Variants in MCF2L2 observed in about 807,000 individuals in gnomAD.
MCF2L2 encodes probable guanine nucleotide exchange factor MCF2L2.
In MCF2L2, 102 loss-of-function variants were observed where a neutral mutation model predicts 150.2. The observed-to-expected ratio is 0.68, with a 90% CI of 0.58 to 0.80. MCF2L2 has a LOEUF of 0.80. MCF2L2 is among the 30% of genes least tolerant of loss of function. The pLI is 0.00. For missense variants in MCF2L2, 1,256 were observed against 1,372.8 expected, an observed-to-expected ratio of 0.91 and a Z score of 1.34; for synonymous variants, 465 against 491.3, an observed-to-expected ratio of 0.95 and a Z score of 0.71.
At chr3:183,284,889 T>A (rs1727703411) in intron 14 of MCF2L2, among the ~76,000 whole-genome samples, 1 of 152,152 alleles carries the variant, frequency 6.6e-6, no homozygotes, top group South Asian at 2.1e-4. Context: ...CAGGATTTGG[T>A]GGCGTCCCTG....
chr3:183,253,943 G>A (rs904726246), intron 15 of MCF2L2: 1 of 152,174 alleles, frequency 6.6e-6, no homozygotes, highest in Admixed American at 6.5e-5. Flanking sequence ...GAAAGTTCTG[G>A]CCGCTCGGCG....
At chr3:183,272,329 G>C (rs1726849111) in intron 15 of MCF2L2, 1 of 1,000,132 alleles carries the variant, frequency 1.0e-6, no homozygotes, top group African/African-American at 1.7e-5. Flanking sequence ...AATGACTTCA[G>C]CAAGAGTGAC....
intron 18 of MCF2L2, chr3:183,226,682 C>T (rs567203862): frequency 1.3e-5 from 2 of 152,326 alleles, no homozygotes; most frequent in South Asian, 4.1e-4. Context: ...CACTTTCCCA[C>T]AGGAACTTTG....
chr3:183,338,591 C>T (rs536983890), intron 5 of MCF2L2, among the ~76,000 whole-genome samples: 7 of 152,212 alleles, frequency 4.6e-5, no homozygotes, highest in East Asian at 3.9e-4. Context: ...TTACTGTTTA[C>T]GTGCTCCAAC....
At chr3:183,189,929 C>T (rs945486180) in intron 27 of MCF2L2, among the ~76,000 whole-genome samples, 2 of 152,186 alleles carry the variant, frequency 1.3e-5, no homozygotes, top group Admixed American at 6.5e-5. Flanking sequence ...GACCAGATGG[C>T]AGACTCGCCT....
intron 15 of MCF2L2, among the ~76,000 whole-genome samples, chr3:183,235,161 T>C (rs1309941623): frequency 1.1e-5 from 1 of 92,876 alleles, no homozygotes; most frequent in African/African-American, 4.9e-5. Context: ...TAAACATACG[T>C]GTGCATGTGT....
At chr3:183,302,093 G>A (rs543612011) in intron 10 of MCF2L2, among the ~76,000 whole-genome samples, 4 of 152,208 alleles carry the variant, frequency 2.6e-5, no homozygotes, top group South Asian at 4.1e-4. Flanking sequence ...AGCTCCCCTG[G>A]TAGACAACAT....
intron 14 of MCF2L2, among the ~76,000 whole-genome samples, chr3:183,287,018 T>C (rs1727833403): frequency 6.6e-6 from 1 of 152,180 alleles, no homozygotes; most frequent in African/African-American, 2.4e-5. Flanking sequence ...GTTTGGAGTC[T>C]GAATTAAATA....
chr3:183,213,430 G>T (rs1425655063), intron 22 of MCF2L2, among the ~76,000 whole-genome samples: 2 of 151,934 alleles, frequency 1.3e-5, no homozygotes, highest in Non-Finnish European at 2.9e-5. Flanking sequence ...TTTTTTTCTA[G>T]TTGCTTTCTA....
chr3:183,233,148 C>T (rs566414750), intron 15 of MCF2L2, among the ~76,000 whole-genome samples: 2 of 152,142 alleles, frequency 1.3e-5, no homozygotes, highest in South Asian at 2.1e-4. Context: ...GCCAGGAAAT[C>T]GAGACCAGCC....
intron 5 of MCF2L2, among the ~76,000 whole-genome samples, chr3:183,335,843 A>G (rs1730456924): frequency 6.6e-6 from 1 of 152,214 alleles, no homozygotes; most frequent in South Asian, 2.1e-4. Context: ...CCTGGGTGAC[A>G]GAGAGAGACC....
intron 1 of MCF2L2, among the ~76,000 whole-genome samples, chr3:183,399,095 C>T (rs1053475478): frequency 1.3e-5 from 2 of 152,030 alleles, no homozygotes; most frequent in African/African-American, 2.4e-5. Flanking sequence ...TGTGTGCATG[C>T]GCAGGTGAGC....
At chr3:183,345,093 C>A (rs559735259) in intron 3 of MCF2L2, among the ~76,000 whole-genome samples, 2 of 152,178 alleles carry the variant, frequency 1.3e-5, no homozygotes, top group African/African-American at 4.8e-5. Flanking sequence ...CAGAACTCTC[C>A]ACCCCAAATC....
chr3:183,278,305 G>A (rs944791972), intron 14 of MCF2L2, among the ~76,000 whole-genome samples: 1 of 151,284 alleles, frequency 6.6e-6, no homozygotes, highest in Non-Finnish European at 1.5e-5. Flanking sequence ...GTGTGTGTGT[G>A]TGTTATGATG....
intron 25 of MCF2L2, among the ~76,000 whole-genome samples, chr3:183,204,211 T>C (rs1386126890): frequency 6.6e-6 from 1 of 152,032 alleles, no homozygotes; most frequent in African/African-American, 2.4e-5. Flanking sequence ...ATGCACAGTA[T>C]GGGAAAAAAT....
chr3:183,218,502 G>GC (rs1483030088), intron 21 of MCF2L2, among the ~76,000 whole-genome samples: 1 of 152,124 alleles, frequency 6.6e-6, no homozygotes, highest in African/African-American at 2.4e-5. Context: ...GGGCGTGGTG[G>GC]CGGGTGCCTG....
chr3:183,186,329 C>G lies in MCF2L2; in HGVS notation c.3017-6170G>C, dbSNP rs116076629. ...GGTGCGGTGGTACAATCATGGCTTA[C>G]GGCAGCCTCAACCTCCTGAGCTCAA... On this transcript the variant is annotated intron_variant, in intron 27 of 29. Transcript: ENST00000328913. 9.2e-3 allele frequency among the ~76,000 whole-genome samples: 1,406 copies of G among 152,256 alleles called. 27 individuals are homozygous for G. The highest frequency in any genetic ancestry group is 0.033 in the African/African-American group (1,361 of 41,538).
intron 16 of MCF2L2, 84 bp downstream of exon 16, chr3:183,230,867 G>A: frequency 1.9e-6 from 2 of 1,040,006 alleles, no homozygotes; most frequent in South Asian, 2.9e-5. Flanking sequence ...GGAGACTTCT[G>A]GCAACTATTT....
chr3:183,356,394 T>C (rs182061282), intron 3 of MCF2L2, among the ~76,000 whole-genome samples: 68 of 152,104 alleles, frequency 4.5e-4, no homozygotes, highest in African/African-American at 1.6e-3. Flanking sequence ...GCACCTGTAG[T>C]CCCAGCTACT....
Sources: gnomAD v4.1 joint callset for allele counts (sites outside exome capture counted in the v4.1 genomes callset) on GRCh38, gnomAD v4.1.1 for gene constraint, MANE v1.5 for transcripts, NCBI Gene and HGNC (gene_info 2026-07-23, HGNC 2026-07-21) for gene names.